The following C14orf132 variants were observed in gnomAD, a reference collection of about 807,000 sequenced individuals.
C14orf132 encodes the protein uncharacterized protein C14orf132.
A neutral mutation model predicts 5.8 loss-of-function variants in C14orf132; 6 were observed. The observed-to-expected ratio is 1.03, with a 90% confidence interval of 0.57 to 2.04. The LOEUF is 2.04. Among genes scored for constraint, C14orf132 ranks in the 30% most tolerant of loss-of-function variants. The pLI, the probability that C14orf132 is intolerant of heterozygous loss-of-function variation, is 0.00. For missense variants in C14orf132, 125 were observed against 115.8 expected (o/e 1.08, Z -0.37); for synonymous variants, 51 against 49.8 (o/e 1.02, Z -0.10).
intron 1 of C14orf132, among the ~76,000 whole-genome samples, chr14:96,056,925 T>C (rs146103234): frequency 7.4e-4 from 112 of 152,284 alleles, no homozygotes; most frequent in African/African-American, 2.4e-3. Flanking sequence ...TGGTAGGTGC[T>C]CAAGGTCCCT....
rs140980244 is a variant in C14orf132 at position 96,078,720 on chromosome 14, T to C, written c.28-7791T>C. Among the ~76,000 whole-genome samples the C allele has an allele frequency of 1.9e-3, 294 of 152,274 alleles. 1 individual carries two copies. The highest frequency in any genetic ancestry group is 6.7e-3 in the African/African-American group (280 of 41,562). On this transcript the variant is annotated intron_variant, in intron 1 of 1. Transcript: ENST00000555004. ...TGGCACCAAGATCTTACATCTCCCTTTGGGACCCCTTCAGGTACCACCCAT... is the reference window on the plus strand; with the variant it reads ...TGGCACCAAGATCTTACATCTCCCTCTGGGACCCCTTCAGGTACCACCCAT...
intron 1 of C14orf132, among the ~76,000 whole-genome samples, chr14:96,078,942 C>G (rs1045779987): frequency 2.0e-5 from 3 of 152,242 alleles, no homozygotes; most frequent in Non-Finnish European, 4.4e-5. Context: ...CAGCCCTCCC[C>G]GTCAGAGGAC....
intron 1 of C14orf132, among the ~76,000 whole-genome samples, chr14:96,059,132 TA>T (rs1887269810): frequency 6.6e-6 from 1 of 152,100 alleles, no homozygotes; most frequent in South Asian, 2.1e-4. Context: ...AGTGTGGTGT[TA>T]AAAAATTAGC....
chr14:96,064,334 G>A (rs180707906), intron 1 of C14orf132, among the ~76,000 whole-genome samples: 2 of 146,610 alleles, frequency 1.4e-5, no homozygotes, highest in African/African-American at 5.1e-5. Context: ...ATCAATCATC[G>A]AGTGGATAAA....
intron 1 of C14orf132, among the ~76,000 whole-genome samples, chr14:96,049,651 T>TAGAGAG (rs375260509): frequency 0.04 from 2,702 of 67,808 alleles, 403 homozygotes; most frequent in Middle Eastern, 0.14. Flanking sequence ...TATATATATA[T>TAGAGAG]ATAGAGAGAG....
At chr14:96,060,063 C>T (rs1887302492) in intron 1 of C14orf132, among the ~76,000 whole-genome samples, 2 of 152,214 alleles carry the variant, frequency 1.3e-5, no homozygotes, top group African/African-American at 2.4e-5. Flanking sequence ...ATTCAGAATC[C>T]CCTTCCCACA....
chr14:96,056,334 G>C (rs142720779), intron 1 of C14orf132, among the ~76,000 whole-genome samples: 27 of 152,204 alleles, frequency 1.8e-4, no homozygotes, highest in Admixed American at 1.3e-3. Context: ...AGGGGGTCAG[G>C]GTGGTCAGCT....
chr14:96,063,928 T>C (rs148111621), intron 1 of C14orf132, among the ~76,000 whole-genome samples: 13 of 152,102 alleles, frequency 8.5e-5, no homozygotes, highest in African/African-American at 1.7e-4. Flanking sequence ...GAATAGACAA[T>C]TTTCAAAAGA....
chr14:96,047,362 G>T (rs1595167534), intron 1 of C14orf132, among the ~76,000 whole-genome samples: 1 of 152,204 alleles, frequency 6.6e-6, no homozygotes, highest in Admixed American at 6.5e-5. Flanking sequence ...TGGATGGCCA[G>T]TCTCCAATGA....
rs1188250765 is a variant in C14orf132, at chr14:96,051,751, T to A, written c.27+12224T>A. Reference sequence around the variant, plus strand: ...GGTTCCACCCGGGTCCTGCTGCGTATCCCAATAATCAAATCAATTAGGCAG... The same window carrying A: ...GGTTCCACCCGGGTCCTGCTGCGTAACCCAATAATCAAATCAATTAGGCAG... On this transcript the variant is annotated intron_variant, in intron 1 of 1. Transcript: ENST00000555004. Among the ~76,000 whole-genome samples, 4 of 152,162 alleles carry A rather than the reference T, an allele frequency of 2.6e-5. No homozygotes were observed. In the East Asian group the frequency reaches 5.8e-4, roughly 22 times the overall value.
chr14:96,074,666 C>T lies in C14orf132; in HGVS notation c.28-11845C>T, dbSNP rs1008504510. Among the ~76,000 whole-genome samples, 10 of 152,076 alleles carry T rather than the reference C, an allele frequency of 6.6e-5. 1 individual carries two copies. The highest frequency in any genetic ancestry group is 1.9e-4 in the East Asian group (1 of 5,164). ...TATTGACGTCCACTTGTTCCAGCAT[C>T]ATTTGTTGAAAAGACTATCCTTTTT... On this transcript the variant is annotated intron_variant, in intron 1 of 1. Coordinates refer to ENST00000555004, the MANE Select transcript of C14orf132 (RefSeq NM_001252507.3).
chr14:96,062,966 G>A (rs1217432340), intron 1 of C14orf132, among the ~76,000 whole-genome samples: 2 of 152,098 alleles, frequency 1.3e-5, no homozygotes, highest in Admixed American at 1.3e-4. Context: ...AAAACACTGA[G>A]GATCAAAGAC....
chr14:96,055,147 C>T (rs553987664), intron 1 of C14orf132, among the ~76,000 whole-genome samples: 46 of 152,214 alleles, frequency 3.0e-4, no homozygotes, highest in Non-Finnish European at 6.6e-4. Context: ...CCGCAGCAAG[C>T]GACTTGAGCT....
chr14:96,051,133 GC>G (rs1887014286), intron 1 of C14orf132: 1 of 398,634 alleles, frequency 2.5e-6, no homozygotes, highest in Non-Finnish European at 4.4e-6. Context: ...GGTCAAGTGA[GC>G]CTGGGGAATA....
At chr14:96,084,793 A>G in intron 1 of C14orf132, among the ~76,000 whole-genome samples, 1 of 152,122 alleles carries the variant, frequency 6.6e-6, no homozygotes, top group South Asian at 2.1e-4. Flanking sequence ...TAACTGCCCT[A>G]TTCCATCCCC....
At chr14:96,051,374 C>A (rs1412795667) in intron 1 of C14orf132, among the ~76,000 whole-genome samples, 2 of 152,136 alleles carry the variant, frequency 1.3e-5, no homozygotes, top group Non-Finnish European at 2.9e-5. Flanking sequence ...TCCTAGGAAG[C>A]CTTGTTCCCC....
At chr14:96,061,884 G>T (rs1306292422) in intron 1 of C14orf132, among the ~76,000 whole-genome samples, 2 of 152,070 alleles carry the variant, frequency 1.3e-5, no homozygotes, top group Non-Finnish European at 2.9e-5. Flanking sequence ...CATTCAGCCT[G>T]GGTGGCAGAG....
chr14:96,073,077 C>T (rs1054950436), intron 1 of C14orf132, among the ~76,000 whole-genome samples: 3 of 152,098 alleles, frequency 2.0e-5, no homozygotes, highest in African/African-American at 7.2e-5. Flanking sequence ...TAAATGGCTG[C>T]ATAATTGCTT....
chr14:96,048,395 T>G (rs1886891978), intron 1 of C14orf132, among the ~76,000 whole-genome samples: 1 of 152,230 alleles, frequency 6.6e-6, no homozygotes, highest in Non-Finnish European at 1.5e-5. Context: ...TCTACTATCT[T>G]CACAGTTTTA....
Sources: gnomAD v4.1 joint callset for allele counts (sites outside exome capture counted in the v4.1 genomes callset) on GRCh38, gnomAD v4.1.1 for gene constraint, MANE v1.5 for transcripts, NCBI Gene and HGNC (gene_info 2026-07-23, HGNC 2026-07-21) for gene names.